The following TRPM3 variants were observed in gnomAD, a reference collection of about 807,000 sequenced individuals.
TRPM3 encodes the protein transient receptor potential cation channel subfamily M member 3, also known as long transient receptor potential channel 3.
In TRPM3, 77 loss-of-function variants were observed where a neutral mutation model predicts 181.2. That is an observed-to-expected ratio of 0.42 (90% CI 0.35 to 0.51). The LOEUF is 0.51. Among genes scored for constraint, TRPM3 ranks in the 20% least tolerant of loss-of-function variants. The pLI, the probability that TRPM3 is intolerant of heterozygous loss-of-function variation, is 0.01. For missense variants in TRPM3, 1,759 were observed against 2,196.7 expected (o/e 0.80, Z 3.98); for synonymous variants, 745 against 796.4 (o/e 0.94, Z 1.09).
intron 1 of TRPM3, among the ~76,000 whole-genome samples, chr9:70,937,896 T>C (rs1012906069): frequency 6.6e-6 from 1 of 152,128 alleles, no homozygotes; most frequent in Non-Finnish European, 1.5e-5. Context: ...GGGTGTAGCT[T>C]CTAAAATTTA....
chr9:71,115,902 C>T (rs2072250698), intron 1 of TRPM3, among the ~76,000 whole-genome samples: 1 of 152,216 alleles, frequency 6.6e-6, no homozygotes, highest in South Asian at 2.1e-4. Flanking sequence ...CACTGTTCAG[C>T]AGCCTGAGTC....
chr9:70,607,506 C>T (rs1232317354), intron 19 of TRPM3, among the ~76,000 whole-genome samples: 3 of 152,156 alleles, frequency 2.0e-5, no homozygotes, highest in Non-Finnish European at 2.9e-5. Context: ...CAGTCAGCCA[C>T]GCAGAAGTGT....
rs182754288 is a variant in TRPM3 at position 71,150,665 on chromosome 9, A to C, written c.184-286154T>G. Among the ~76,000 whole-genome samples, 40 of 152,218 alleles carry C rather than the reference A, an allele frequency of 2.6e-4. 1 individual carries two copies. Among genetic ancestry groups the C allele is most frequent in the East Asian group, 2.3e-3 (12 of 5,178 alleles). On this transcript the variant is annotated intron_variant, in intron 1 of 24. Coordinates refer to the TRPM3 transcript ENST00000357533. ...TTCAATGAAATAGCCTTCTCCTACA[A>C]CCACAAAGGGCTAGTACTTGAGAAA...
At chr9:71,080,606 G>T (rs921757167) in intron 1 of TRPM3, among the ~76,000 whole-genome samples, 2 of 152,080 alleles carry the variant, frequency 1.3e-5, no homozygotes, top group Non-Finnish European at 2.9e-5. Flanking sequence ...ATCTCCCACT[G>T]CCTCCTTGGG....
intron 22 of TRPM3, among the ~76,000 whole-genome samples, chr9:70,571,621 G>A (rs543339674): frequency 3.3e-5 from 5 of 152,126 alleles, no homozygotes; most frequent in Non-Finnish European, 7.4e-5. Context: ...GAATACATAG[G>A]TATATTCTCT....
chr9:71,060,901 AT>A (rs949573738), intron 1 of TRPM3, among the ~76,000 whole-genome samples: 2 of 152,106 alleles, frequency 1.3e-5, no homozygotes, highest in African/African-American at 4.8e-5. Flanking sequence ...ATTAAAATAT[AT>A]TTAAAACATT....
rs180952995 is a variant in TRPM3, at chr9:70,537,894, T to C, written c.3708-489A>G. On this transcript the variant is annotated intron_variant, in intron 25 of 25. Transcript: ENST00000677713. Reference sequence around the variant, plus strand: ...AGAATTTTGCAATGAAATTTTAGAATCTAGCTATTTTTATTGCAATACACA... The same window carrying C: ...AGAATTTTGCAATGAAATTTTAGAACCTAGCTATTTTTATTGCAATACACA... 9.8e-5 allele frequency among the ~76,000 whole-genome samples: 15 copies of C among 152,334 alleles called. No homozygotes were observed. The East Asian group carries it at 2.9e-3, about 29-fold the overall frequency.
At chr9:70,790,234 A>G (rs1433392663) in intron 6 of TRPM3, among the ~76,000 whole-genome samples, 1 of 152,202 alleles carries the variant, frequency 6.6e-6, no homozygotes, top group Admixed American at 6.6e-5. Flanking sequence ...TCATATTTAC[A>G]TGGAGATAGA....
rs543813571 is a variant in TRPM3, at chr9:71,203,279, T to G, written c.183+243374A>C. Among the ~76,000 whole-genome samples the G allele has an allele frequency of 7.9e-5, 12 of 152,334 alleles. 1 individual carries two copies. In the East Asian group the frequency reaches 1.9e-3, roughly 25 times the overall value. ...TAACTTTTCTGGGCTTCATTCTCCC[T>G]TATCTGCATCTCTGGAAAATATCCC... On this transcript the variant is annotated intron_variant, in intron 1 of 24. Coordinates refer to the TRPM3 transcript ENST00000357533.
At chr9:71,059,318 A>G (rs2061039301) in intron 1 of TRPM3, among the ~76,000 whole-genome samples, 1 of 151,900 alleles carries the variant, frequency 6.6e-6, no homozygotes, top group African/African-American at 2.4e-5. Flanking sequence ...TATATGCCCA[A>G]TGCAAACAAG....
intron 14 of TRPM3, among the ~76,000 whole-genome samples, chr9:70,622,909 A>AT (rs562273597): frequency 5.3e-5 from 8 of 151,780 alleles, no homozygotes; most frequent in African/African-American, 1.9e-4. Context: ...TATCTATTTC[A>AT]TTTTTTTCTT....
intron 1 of TRPM3, among the ~76,000 whole-genome samples, chr9:71,366,980 T>G (rs1265192420): frequency 6.6e-6 from 1 of 152,294 alleles, no homozygotes; most frequent in Non-Finnish European, 1.5e-5. Context: ...GTCAGGCAGA[T>G]AGAGGCATTA....
At chr9:71,181,367 A>ATT (rs59651573) in intron 1 of TRPM3, among the ~76,000 whole-genome samples, 1,585 of 141,752 alleles carry the variant, frequency 0.011, 23 homozygotes, top group East Asian at 0.075. Flanking sequence ...GGAAACTGCA[A>ATT]TTTTTTTTTT....
intron 1 of TRPM3, among the ~76,000 whole-genome samples, chr9:71,431,658 C>T (rs1325793469): frequency 6.6e-6 from 1 of 152,142 alleles, no homozygotes; most frequent in Non-Finnish European, 1.5e-5. Flanking sequence ...TATTTGAATT[C>T]TTTCTCTACC....
At chr9:70,863,504 A>G (rs952139342) in intron 2 of TRPM3, among the ~76,000 whole-genome samples, 47 of 152,102 alleles carry the variant, frequency 3.1e-4, no homozygotes, top group African/African-American at 1.1e-3. Flanking sequence ...TGAGGAGGAG[A>G]AGTTTAACAT....
intron 9 of TRPM3, among the ~76,000 whole-genome samples, chr9:70,650,050 C>T (rs1227350737): frequency 1.3e-5 from 2 of 152,158 alleles, no homozygotes; most frequent in Non-Finnish European, 2.9e-5. Context: ...AGCAAATTAA[C>T]ACAGGAACAG....
At chr9:71,205,770 A>T (rs2079086412) in intron 1 of TRPM3, among the ~76,000 whole-genome samples, 1 of 152,218 alleles carries the variant, frequency 6.6e-6, no homozygotes, top group Admixed American at 6.5e-5. Context: ...TCATTCACAC[A>T]AATTAATAAA....
chr9:70,742,918 C>G (rs575991955), intron 8 of TRPM3, among the ~76,000 whole-genome samples: 35 of 152,282 alleles, frequency 2.3e-4, no homozygotes, highest in African/African-American at 8.4e-4. Context: ...CATTCTTGAC[C>G]ACTATCTTTC....
At chr9:70,747,228 C>T (rs1489668201) in intron 8 of TRPM3, among the ~76,000 whole-genome samples, 1 of 152,014 alleles carries the variant, frequency 6.6e-6, no homozygotes, top group East Asian at 1.9e-4. Context: ...TAGAGATATA[C>T]ATAAATAAAG....
Sources: allele counts gnomAD v4.1 joint callset (sites outside exome capture counted in the v4.1 genomes callset), GRCh38; gene constraint gnomAD v4.1.1; transcripts MANE v1.5; gene names NCBI Gene and HGNC (gene_info 2026-07-23, HGNC 2026-07-21).